The following UBASH3B variants were observed in gnomAD, a reference collection of about 807,000 sequenced individuals.
UBASH3B encodes the protein ubiquitin-associated and SH3 domain-containing protein B.
Under a neutral mutation model 83.4 loss-of-function variants are expected in UBASH3B, and 37 were observed. The ratio of observed to expected loss-of-function variants is 0.44; its 90% CI spans 0.34 to 0.58. The LOEUF is 0.58. Ranked by LOEUF, UBASH3B falls within the 20% of genes least tolerant of loss-of-function variation. The probability of loss-of-function intolerance (pLI) is 0.01; values close to 1 mark genes in which losing one functional copy is unlikely to be tolerated. For missense variants in UBASH3B, 657 were observed against 827.2 expected, an observed-to-expected ratio of 0.79 and a Z score of 2.52; for synonymous variants, 304 against 318.3, an observed-to-expected ratio of 0.96 and a Z score of 0.48.
chr11:122,662,677 C>T (rs1003349530), intron 1 of UBASH3B, among the ~76,000 whole-genome samples: 3 of 151,942 alleles, frequency 2.0e-5, no homozygotes, highest in Non-Finnish European at 4.4e-5. Context: ...GTGATCCGCC[C>T]GCCTCGGCCT....
In UBASH3B at chr11:122,806,649, C is replaced by T. The variant is rs1053299801; in HGVS notation, c.1702+133C>T. 29 of 1,263,366 alleles carry T rather than the reference C, an allele frequency of 2.3e-5. No homozygotes were observed. The highest frequency in any genetic ancestry group is 2.9e-4 in the Middle Eastern group (1 of 3,422). The allele number at this position is 1,263,366 out of a possible 1,614,324, so 78.3% of individuals were successfully genotyped here. ...GTATTTCCAGATTTTCTTCCAGATACTTTTACATTAAATTTGTAATATTCT... is the reference window on the plus strand; with the variant it reads ...GTATTTCCAGATTTTCTTCCAGATATTTTTACATTAAATTTGTAATATTCT... On this transcript the variant is annotated intron_variant, in intron 12 of 13. Coordinates refer to ENST00000284273, the MANE Select transcript of UBASH3B (RefSeq NM_032873.5). The surrounding 1 kb of genome is among the most constrained non-coding windows in gnomAD (Gnocchi z 4.0).
At chr11:122,728,219 A>G (rs1860778785) in intron 1 of UBASH3B, among the ~76,000 whole-genome samples, 1 of 151,184 alleles carries the variant, frequency 6.6e-6, no homozygotes, top group South Asian at 2.2e-4. Context: ...AGAGTCGTTG[A>G]GTTTACATGG....
At chr11:122,679,811 C>T (rs77004051) in intron 1 of UBASH3B, among the ~76,000 whole-genome samples, 1 of 152,092 alleles carries the variant, frequency 6.6e-6, no homozygotes, top group Non-Finnish European at 1.5e-5. Context: ...TGTCATTCTT[C>T]TTTTGATTTT....
At chr11:122,785,314 C>T (rs1339077632) in intron 5 of UBASH3B, among the ~76,000 whole-genome samples, 8 of 152,206 alleles carry the variant, frequency 5.3e-5, no homozygotes, top group Non-Finnish European at 1.2e-4. Flanking sequence ...GTCTTTCGGT[C>T]CTACCTGAGC....
Position 122,806,813 on chromosome 11 carries a change from A to C in UBASH3B, c.1702+297A>C, listed in dbSNP as rs1254469665. On this transcript the variant is annotated intron_variant, in intron 12 of 13. Transcript: ENST00000284273. The surrounding 1 kb of genome is among the most constrained non-coding windows in gnomAD (Gnocchi z 4.0). Reference sequence around the variant, plus strand: ...CCCTCTTATAATTTCCAAAAGCTCTAGCATGCCACTGTTTTGCCTATAATT... The same window carrying C: ...CCCTCTTATAATTTCCAAAAGCTCTCGCATGCCACTGTTTTGCCTATAATT... Among the ~76,000 whole-genome samples the C allele has an allele frequency of 6.6e-6, 1 of 152,188 alleles. No individual in the cohort carries two copies. Among genetic ancestry groups the C allele is most frequent in the African/African-American group, 2.4e-5 (1 of 41,446 alleles).
intron 1 of UBASH3B, among the ~76,000 whole-genome samples, chr11:122,766,493 C>T (rs1860540019): frequency 1.3e-5 from 2 of 152,036 alleles, no homozygotes; most frequent in South Asian, 4.2e-4. Flanking sequence ...TGCAGTGAGC[C>T]GAGATCGCGC....
At chr11:122,721,028 A>G (rs112638981) in intron 1 of UBASH3B, among the ~76,000 whole-genome samples, 260 of 151,946 alleles carry the variant, frequency 1.7e-3, no homozygotes, top group African/African-American at 4.9e-3. Context: ...GGCAGATCAC[A>G]AGGTCAGGAG....
chr11:122,656,152 A>G lies in UBASH3B; in HGVS notation c.103A>G (p.Ile35Val). ...RRNRQQRPGT[I>V]KHGSALDVLL... ...GAACCGCCAACAGCGCCCCGGCACC[A>G]TCAAGCATGGATCGGCGCTGGACGT... Residue 35 changes from isoleucine (I) to valine (V), a missense_variant, in exon 1 of 14, where the codon ATC (isoleucine) becomes GTC (valine). Ile to Val is a conservative substitution (Grantham distance 29). This residue lies in a region of UBASH3B where 78 missense variants were observed against 68.4 expected (regional missense o/e 1.14). Transcript: ENST00000284273. The G allele has an allele frequency of 1.9e-6, 3 of 1,583,950 alleles. No individual in the cohort carries two copies. Among genetic ancestry groups the G allele is most frequent in the Middle Eastern group, 3.7e-4 (2 of 5,374 alleles).
In UBASH3B at chr11:122,783,178, G is replaced by C. The variant is rs920980289; in HGVS notation, c.727G>C (p.Val243Leu). 1.2e-5 allele frequency: 19 copies of C among 1,613,944 alleles called. No homozygotes were observed. The highest frequency in any genetic ancestry group is 6.7e-5 in the Admixed American group (4 of 59,992). ...NIDVKLGCDW[V>L]ATIFSRDIRF... The stretch of plus-strand genomic sequence containing the variant: ...TGACGTCAAGCTAGGGTGTGACTGG[G>C]TGGCTACCATATTTTCTCGGGATAT... The change falls in exon 5 of 14, where the codon GTG becomes CTG. Residue 243 changes from valine (V) to leucine (L), a missense_variant. Coordinates refer to ENST00000284273, the MANE Select transcript of UBASH3B (RefSeq NM_032873.5).
At chr11:122,728,969 CAG>C (rs1813322612) in intron 1 of UBASH3B, among the ~76,000 whole-genome samples, 1 of 151,574 alleles carries the variant, frequency 6.6e-6, no homozygotes, top group African/African-American at 2.4e-5. Flanking sequence ...CAGACGGGGA[CAG>C]AGAGTGCTCA....
intron 5 of UBASH3B, among the ~76,000 whole-genome samples, chr11:122,785,531 G>T (rs560949457): frequency 6.6e-6 from 1 of 152,224 alleles, no homozygotes; most frequent in African/African-American, 2.4e-5. Context: ...TTGGACACGC[G>T]AATCCCATTT....
At chr11:122,704,453 G>A (rs542385929) in intron 1 of UBASH3B, among the ~76,000 whole-genome samples, 1 of 152,238 alleles carries the variant, frequency 6.6e-6, no homozygotes, top group South Asian at 2.1e-4. Context: ...CGAGTGTCAG[G>A]TTGGTGGCGT....
chr11:122,770,507 G>C (rs1180898183), intron 1 of UBASH3B, among the ~76,000 whole-genome samples: 2 of 151,130 alleles, frequency 1.3e-5, no homozygotes, highest in Non-Finnish European at 2.9e-5. Context: ...GGAGCAGAAG[G>C]TATTCCTTAG....
At chr11:122,710,956 C>A (rs1414378335) in intron 1 of UBASH3B, among the ~76,000 whole-genome samples, 1 of 152,160 alleles carries the variant, frequency 6.6e-6, no homozygotes, top group African/African-American at 2.4e-5. Context: ...CATCCCTTTT[C>A]ATTGACAGGC....
At chr11:122,800,059 T>G (rs1178234656) in intron 10 of UBASH3B, among the ~76,000 whole-genome samples, 1 of 152,212 alleles carries the variant, frequency 6.6e-6, no homozygotes, top group Non-Finnish European at 1.5e-5. Context: ...AAGCAGGGAC[T>G]ATTTCTAGGA....
At chr11:122,754,974 G>A (rs545825385) in intron 1 of UBASH3B, among the ~76,000 whole-genome samples, 34 of 152,298 alleles carry the variant, frequency 2.2e-4, no homozygotes, top group African/African-American at 6.7e-4. Flanking sequence ...GAAGGCTCAC[G>A]TTGGAGCGGT....
intron 10 of UBASH3B, among the ~76,000 whole-genome samples, chr11:122,800,704 G>A (rs1051623036): frequency 6.6e-6 from 1 of 151,710 alleles, no homozygotes; most frequent in Admixed American, 6.6e-5. Context: ...CGCCTCCTGG[G>A]TTCAAGTGAT....
At chr11:122,692,385 A>C (rs955964146) in intron 1 of UBASH3B, among the ~76,000 whole-genome samples, 5 of 152,200 alleles carry the variant, frequency 3.3e-5, no homozygotes, top group Non-Finnish European at 4.4e-5. Context: ...TTGATTACTC[A>C]CTGTAAGATG....
At chr11:122,779,247 C>G in intron 3 of UBASH3B, 1 of 555,140 alleles carries the variant, frequency 1.8e-6, no homozygotes, top group Admixed American at 3.1e-5. Context: ...GCTGGGTTCA[C>G]GGGGGCCACT....
Sources: allele counts gnomAD v4.1 joint callset (sites outside exome capture counted in the v4.1 genomes callset), GRCh38; gene constraint gnomAD v4.1.1; regional missense constraint gnomAD v4.1.1; non-coding constraint Gnocchi (gnomAD v3.1); transcripts MANE v1.5; gene names NCBI Gene and HGNC (gene_info 2026-07-23, HGNC 2026-07-21).